MPHOSPH9: variants seen among roughly 807,000 people sequenced by gnomAD.
MPHOSPH9 encodes M-phase phosphoprotein 9.
Under a neutral mutation model 145.5 loss-of-function variants are expected in MPHOSPH9, and 88 were observed. The observed-to-expected ratio is 0.60, with a 90% CI of 0.51 to 0.72. The LOEUF is 0.72. MPHOSPH9 is among the 30% of genes least tolerant of loss of function. MPHOSPH9 has a pLI of 0.00. For missense variants in MPHOSPH9, 1,238 were observed against 1,386.6 expected, an observed-to-expected ratio of 0.89 and a Z score of 1.70; for synonymous variants, 435 against 486.2, an observed-to-expected ratio of 0.89 and a Z score of 1.39.
intron 6 of MPHOSPH9, among the ~76,000 whole-genome samples, chr12:123,216,374 C>G (rs987478279): frequency 6.6e-6 from 1 of 152,130 alleles, no homozygotes; most frequent in African/African-American, 2.4e-5. Flanking sequence ...GGACAATCTT[C>G]TTATGACCTC....
chr12:123,196,878 TAAGTG>T (rs557653528), intron 12 of MPHOSPH9, among the ~76,000 whole-genome samples: 6 of 152,054 alleles, frequency 3.9e-5, no homozygotes, highest in Non-Finnish European at 8.8e-5. Flanking sequence ...AATATTATAC[TAAGTG>T]AAGAAGCCAG....
intron 15 of MPHOSPH9, among the ~76,000 whole-genome samples, chr12:123,177,328 G>C (rs1267339272): frequency 1.3e-5 from 2 of 152,094 alleles, no homozygotes; most frequent in Non-Finnish European, 2.9e-5. Context: ...GATGTCAGGA[G>C]TTCGAGCCCA....
intron 1 of MPHOSPH9, among the ~76,000 whole-genome samples, chr12:123,238,880 C>T (rs990984885): frequency 2.6e-5 from 4 of 152,118 alleles, no homozygotes; most frequent in African/African-American, 9.7e-5. Context: ...ATAAAGTAGC[C>T]ACCAGCACAT....
At position 123,155,755 on chromosome 12, in the gene MPHOSPH9, C is replaced by T. The variant is rs946524748; in HGVS notation, c.*1052G>A. ...GCTACTTCTGAGAGCCAGCGGCTACCACAGAGGCAGTGGGCTGGAGCCCTC... is the reference window on the plus strand; with the variant it reads ...GCTACTTCTGAGAGCCAGCGGCTACTACAGAGGCAGTGGGCTGGAGCCCTC... On this transcript the variant is annotated 3_prime_UTR_variant, in exon 24 of 24. Transcript: ENST00000606320. 6.6e-6 allele frequency: 1 copy of T among 152,326 alleles called. No homozygotes were observed. Among genetic ancestry groups the T allele is most frequent in the Non-Finnish European group, 1.5e-5 (1 of 68,036 alleles). 9.4% of individuals were successfully genotyped at this position (152,326 alleles called of 1,614,324 possible).
At position 123,160,791 on chromosome 12, in the gene MPHOSPH9, C is replaced by A. The variant is rs756405256; in HGVS notation, c.3440G>T (p.Arg1147Ile). The A allele has an allele frequency of 1.9e-6, 3 of 1,613,800 alleles. No individual in the cohort carries two copies. Among genetic ancestry groups the A allele is most frequent in the Non-Finnish European group, 2.5e-6 (3 of 1,179,992 alleles). Reference protein sequence around the residue: ...SPGGRITLQTRLNQEALEDRL... With the variant: ...SPGGRITLQTILNQEALEDRL... ...GCTAAGACATTTCACCTGATTTAATCTTGTCTGTAAAGTGATTCGTCCTCC... is the reference window on the plus strand; with the variant it reads ...GCTAAGACATTTCACCTGATTTAATATTGTCTGTAAAGTGATTCGTCCTCC... Residue 1147 changes from arginine (R) to isoleucine (I), a missense_variant, in exon 23 of 24, where the codon AGA (arginine) becomes ATA (isoleucine). Arg to Ile is a moderately conservative substitution (Grantham distance 97, BLOSUM62 -3). Around this residue, in one of 3 missense-constraint regions of MPHOSPH9, gnomAD observed 393 missense variants for 462.5 expected, o/e 0.85. Coordinates refer to ENST00000606320, the MANE Select transcript of MPHOSPH9 (RefSeq NM_022782.4).
At chr12:123,161,429 G>T in intron 21 of MPHOSPH9, 46 bp from the exon 22 acceptor site, 1 of 1,601,880 alleles carries the variant, frequency 6.2e-7, no homozygotes, top group Non-Finnish European at 8.5e-7. Flanking sequence ...TCAATTTTTC[G>T]TGTAGGTTGC....
In MPHOSPH9 at chr12:123,176,742, T is replaced by C. The variant is rs1187053125; in HGVS notation, c.2402A>G (p.Asn801Ser). ...EAQVKQVEHE[N>S]MLSLRHNSRI... ...AGAATTATGACGAAGGCTTAACATA[T>C]TTTCATGTTCTACTTGCTTGACCTG... is the stretch of plus-strand genomic sequence containing the variant. The change falls in exon 16 of 24, where the codon AAT becomes AGT. Residue 801 changes from asparagine (N) to serine (S), a missense_variant. Physicochemically the swap from Asn to Ser is conservative, Grantham distance 46. Transcript: ENST00000606320. 1 of 1,613,908 alleles carries C rather than the reference T, an allele frequency of 6.2e-7. No homozygotes were observed. Among genetic ancestry groups the C allele is most frequent in the South Asian group, 1.1e-5 (1 of 91,076 alleles).
chr12:123,165,015 C>CAAAA (rs35219995), intron 18 of MPHOSPH9, among the ~76,000 whole-genome samples: 14 of 83,110 alleles, frequency 1.7e-4, no homozygotes, highest in African/African-American at 2.4e-4. Context: ...CTCACTGTCT[C>CAAAA]AAAAAAAAAA....
chr12:123,237,522 TAAGCATTC>T (rs1180398878), upstream of MPHOSPH9, among the ~76,000 whole-genome samples: 2 of 152,210 alleles, frequency 1.3e-5, no homozygotes, highest in Non-Finnish European at 2.9e-5. Flanking sequence ...TCTGCAGCAT[TAAGCATTC>T]AAGCATTAAG....
chr12:123,172,238 C>A (rs1306075108), intron 16 of MPHOSPH9, among the ~76,000 whole-genome samples: 1 of 152,138 alleles, frequency 6.6e-6, no homozygotes, highest in African/African-American at 2.4e-5. Context: ...TTTGCTGTTG[C>A]ACAAAAGCTG....
intron 2 of MPHOSPH9, among the ~76,000 whole-genome samples, chr12:123,229,260 A>G (rs897469256): frequency 6.6e-6 from 1 of 152,156 alleles, no homozygotes; most frequent in Non-Finnish European, 1.5e-5. Context: ...CCTCTCTTAC[A>G]GTCCTTGCCT....
At chr12:123,214,264 C>G (rs1565960308) in intron 7 of MPHOSPH9, among the ~76,000 whole-genome samples, 2 of 152,126 alleles carry the variant, frequency 1.3e-5, no homozygotes, top group Admixed American at 1.3e-4. Context: ...GGTGGCTGGA[C>G]ATGGTGGCTG....
rs147321517 is a variant in MPHOSPH9 at position 123,211,684 on chromosome 12, CTTTTTTTTT to C, written c.1088-1531_1088-1523del. On this transcript the variant is annotated intron_variant, in intron 7 of 23. Transcript: ENST00000606320. The stretch of plus-strand genomic sequence containing the variant: ...AAATATATTTTAAAATAGACAATTT[CTTTTTTTTT>C]TTTTTTTTTTTTTTTTCTGAGACAG... Among the ~76,000 whole-genome samples, 22 of 67,772 alleles carry C rather than the reference CTTTTTTTTT, an allele frequency of 3.2e-4. No homozygotes were observed. The East Asian group carries it at 5.3e-3, about 16-fold the overall frequency. 44.5% of individuals were successfully genotyped at this position (67,772 alleles called of 152,430 possible).
At chr12:123,171,744 A>C (rs2044591895) in intron 16 of MPHOSPH9, among the ~76,000 whole-genome samples, 1 of 151,414 alleles carries the variant, frequency 6.6e-6, no homozygotes, top group South Asian at 2.1e-4. Context: ...GCGAGACTCC[A>C]TCTCAAAACA....
intron 16 of MPHOSPH9, among the ~76,000 whole-genome samples, chr12:123,169,081 T>C (rs1369419954): frequency 6.6e-6 from 1 of 151,598 alleles, no homozygotes; most frequent in Non-Finnish European, 1.5e-5. Flanking sequence ...GGATGGGGTT[T>C]CACCATGTTA....
chr12:123,185,851 C>T lies in MPHOSPH9; in HGVS notation c.2242-4641G>A, dbSNP rs751637008. Among the ~76,000 whole-genome samples, 32 of 152,100 alleles carry T rather than the reference C, an allele frequency of 2.1e-4. 1 individual carries two copies. Among genetic ancestry groups the T allele is most frequent in the Admixed American group, 2.6e-4 (4 of 15,244 alleles). On this transcript the variant is annotated intron_variant, in intron 13 of 23. Coordinates refer to ENST00000606320, the MANE Select transcript of MPHOSPH9 (RefSeq NM_022782.4). ...AGGATATTATTTAGACAACTGGCAA[C>T]ATTTGAATATAGACAGAATGTATTT...
In MPHOSPH9 at chr12:123,159,055, C is replaced by T. The variant is rs1015443416; in HGVS notation, c.3450+1726G>A. On this transcript the variant is annotated intron_variant, in intron 23 of 23. Coordinates refer to ENST00000606320, the MANE Select transcript of MPHOSPH9 (RefSeq NM_022782.4). This position sits in a 1 kb window ranked among gnomAD's most constrained non-coding sequence, Gnocchi z 4.3. Reference sequence around the variant, plus strand: ...GCAGTGAGCCGAGATTGCGTCACTGCGCTCCAGCCTGGTGACACAGCGAGA... The same window carrying T: ...GCAGTGAGCCGAGATTGCGTCACTGTGCTCCAGCCTGGTGACACAGCGAGA... 2.6e-5 allele frequency among the ~76,000 whole-genome samples: 4 copies of T among 152,298 alleles called. No individual in the cohort carries two copies. The highest frequency in any genetic ancestry group is 6.5e-5 in the Admixed American group (1 of 15,298).
intron 13 of MPHOSPH9, among the ~76,000 whole-genome samples, chr12:123,183,578 G>GAAAAA (rs1170129654): frequency 7.0e-6 from 1 of 142,234 alleles, no homozygotes; most frequent in East Asian, 2.4e-4. Context: ...AAAGAAAAAG[G>GAAAAA]AAAAAAGTGC....
chr12:123,200,228 C>G (rs1156476041), intron 11 of MPHOSPH9, among the ~76,000 whole-genome samples: 2 of 78,616 alleles, frequency 2.5e-5, no homozygotes, highest in Non-Finnish European at 7.8e-5. Context: ...GGTTTTTTAT[C>G]TTGGGGGAAA....
Sources: allele counts gnomAD v4.1 joint callset (sites outside exome capture counted in the v4.1 genomes callset), GRCh38; gene constraint gnomAD v4.1.1; regional missense constraint gnomAD v4.1.1; non-coding constraint Gnocchi (gnomAD v3.1); transcripts MANE v1.5; gene names NCBI Gene and HGNC (gene_info 2026-07-23, HGNC 2026-07-21).